The following BRI3 variants were observed in gnomAD, a reference collection of about 807,000 sequenced individuals.
BRI3 encodes the protein membrane protein BRI3.
BRI3 carries 6 observed loss-of-function variants against 12.8 expected under a neutral mutation model. The ratio of observed to expected loss-of-function variants is 0.47; its 90% CI spans 0.26 to 0.93. BRI3 has a LOEUF of 0.93. BRI3 is among the 40% of genes least tolerant of loss of function. BRI3 has a pLI of 0.15. For synonymous variants in BRI3, 91 were observed against 76.1 expected (o/e 1.20, Z -1.02); for missense variants, 134 against 171.1 (o/e 0.78, Z 1.21).
At chr7:98,322,137 C>T in the BRI3 span, among the ~76,000 whole-genome samples, 1 of 152,046 alleles carries the variant, frequency 6.6e-6, no homozygotes, top group African/African-American at 2.4e-5. Context: ...AACTGAGAGG[C>T]TGCAGGGGAG....
downstream of BRI3, among the ~76,000 whole-genome samples, chr7:98,295,412 A>G (rs945942881): frequency 4.6e-5 from 7 of 152,220 alleles, no homozygotes; most frequent in Non-Finnish European, 8.8e-5. Flanking sequence ...AAATGGCCGC[A>G]AAAGTGACTT....
At chr7:98,292,227 C>T (rs1305805433), downstream of BRI3, 4 of 217,712 alleles carry the variant, frequency 1.8e-5, no homozygotes, top group East Asian at 1.3e-4. Flanking sequence ...GGGGATAAGT[C>T]ACAGCCCCAG....
chr7:98,292,241 C>A, downstream of BRI3: 1 of 245,810 alleles, frequency 4.1e-6, no homozygotes, highest in Non-Finnish European at 8.1e-6. Context: ...GCCCCAGCAC[C>A]CAGCAACACA....
At chr7:98,304,816 C>A (rs923965401), upstream of BRI3, among the ~76,000 whole-genome samples, 2 of 151,810 alleles carry the variant, frequency 1.3e-5, no homozygotes, top group Non-Finnish European at 2.9e-5. Flanking sequence ...CCACACCCGG[C>A]CTAAAACACT....
downstream of BRI3, among the ~76,000 whole-genome samples, chr7:98,315,013 T>TC (rs922753263): frequency 1.3e-5 from 2 of 152,252 alleles, no homozygotes; most frequent in African/African-American, 4.8e-5. Flanking sequence ...GTTTATATGT[T>TC]CAAGTTGGCC....
chr7:98,294,490 G>T (rs1800104986), downstream of BRI3, among the ~76,000 whole-genome samples: 1 of 152,206 alleles, frequency 6.6e-6, no homozygotes, highest in Non-Finnish European at 1.5e-5. Flanking sequence ...GCCTGCGCGG[G>T]TCACCCGTGA....
At chr7:98,322,832 T>G in the BRI3 span, 1 of 152,280 alleles carries the variant, frequency 6.6e-6, no homozygotes. Context: ...AATGCAGGCG[T>G]AACATGTCGC....
intron 2 of BRI3, among the ~76,000 whole-genome samples, chr7:98,288,124 T>C (rs1206013849): frequency 6.6e-6 from 1 of 152,190 alleles, no homozygotes; most frequent in Non-Finnish European, 1.5e-5. Flanking sequence ...GGACATTTTC[T>C]AACCAGAATA....
At chr7:98,321,449 C>G in the BRI3 span, among the ~76,000 whole-genome samples, 2 of 152,164 alleles carry the variant, frequency 1.3e-5, no homozygotes, top group Admixed American at 6.5e-5. Flanking sequence ...GCTGGGAATA[C>G]ACCAGCCCCT....
chr7:98,292,650 C>T (rs1489217822), downstream of BRI3: 16 of 1,551,578 alleles, frequency 1.0e-5, no homozygotes, highest in Admixed American at 2.9e-4. Context: ...CACCAGAGGT[C>T]ATCCTGGCTT....
At chr7:98,315,115 A>T (rs950167504), downstream of BRI3, among the ~76,000 whole-genome samples, 8 of 152,024 alleles carry the variant, frequency 5.3e-5, no homozygotes, top group African/African-American at 9.7e-5. Context: ...GCATGTGTGT[A>T]TATCTCTGTA....
At chr7:98,313,549 A>C (rs1334857705), downstream of BRI3, among the ~76,000 whole-genome samples, 2 of 152,168 alleles carry the variant, frequency 1.3e-5, no homozygotes, top group Non-Finnish European at 1.5e-5. Flanking sequence ...TACATTCCCG[A>C]AACTAGTACA....
chr7:98,313,124 CCACCCCACCCCCAACTGT>C (rs11270106), downstream of BRI3, among the ~76,000 whole-genome samples: 116,842 of 146,884 alleles, frequency 0.8, 46,658 homozygotes, highest in Non-Finnish European at 0.82. Context: ...TCCCCAAATG[CCACCCCACCCCCAACTGT>C]CACCCCACCC....
downstream of BRI3, among the ~76,000 whole-genome samples, chr7:98,295,494 C>T (rs1013887969): frequency 7.2e-5 from 11 of 152,182 alleles, no homozygotes; most frequent in South Asian, 2.1e-4. Context: ...GCATGCTCTG[C>T]GATTATGATG....
intron 2 of BRI3, chr7:98,282,687 C>T (rs556938830): frequency 3.9e-6 from 2 of 517,068 alleles, no homozygotes; most frequent in South Asian, 4.9e-5. Flanking sequence ...GATTCCTTTT[C>T]CTAGATCTTG....
At chr7:98,316,594 A>G in the BRI3 span, among the ~76,000 whole-genome samples, 1 of 152,206 alleles carries the variant, frequency 6.6e-6, no homozygotes, top group African/African-American at 2.4e-5. Context: ...TTGGGTGGCC[A>G]TCACCTCAAA....
chr7:98,309,780 G>A (rs1338683288), exon 2 of BRI3: 1 of 151,272 alleles, frequency 6.6e-6, no homozygotes, highest in Non-Finnish European at 1.5e-5. Flanking sequence ...CAGGTCTCGA[G>A]GGTCCTGGGT....
intron 1 of BRI3, among the ~76,000 whole-genome samples, chr7:98,298,622 C>CAA (rs949069361): frequency 5.3e-5 from 8 of 151,632 alleles, no homozygotes; most frequent in Admixed American, 2.6e-4. Context: ...CAAAACAAAA[C>CAA]AAAAAAAACA....
downstream of BRI3, chr7:98,292,373 T>A (rs1800001931): frequency 2.2e-6 from 1 of 445,586 alleles, no homozygotes; most frequent in African/African-American, 2.0e-5. Flanking sequence ...CACACCTGTC[T>A]AATTTTTGTA....
Sources: allele counts gnomAD v4.1 joint callset (sites outside exome capture counted in the v4.1 genomes callset), GRCh38; gene constraint gnomAD v4.1.1; transcripts MANE v1.5; gene names NCBI Gene and HGNC (gene_info 2026-07-23, HGNC 2026-07-21).